Variants in KLHL1 observed in about 807,000 individuals in gnomAD.
KLHL1 encodes kelch like family member 1, also known as kelch-like protein 1.
Under a neutral mutation model 77.7 loss-of-function variants are expected in KLHL1, and 47 were observed. The ratio of observed to expected loss-of-function variants is 0.60; its 90% CI spans 0.48 to 0.77. KLHL1 has a LOEUF of 0.77. KLHL1 is among the 30% of genes least tolerant of loss of function. The pLI, the probability that KLHL1 is intolerant of heterozygous loss-of-function variation, is 0.00. For synonymous variants in KLHL1, 360 were observed against 325.2 expected, an observed-to-expected ratio of 1.11 and a Z score of -1.15; for missense variants, 925 against 910.8, an observed-to-expected ratio of 1.02 and a Z score of -0.20.
chr13:70,043,778 C>G (rs575921459), intron 1 of KLHL1, among the ~76,000 whole-genome samples: 2 of 152,142 alleles, frequency 1.3e-5, no homozygotes, highest in African/African-American at 4.8e-5. Context: ...TAATTATACT[C>G]TCTGATGTTG....
chr13:69,898,079 C>A (rs1393199437), intron 4 of KLHL1, among the ~76,000 whole-genome samples: 6 of 152,154 alleles, frequency 3.9e-5, no homozygotes, highest in African/African-American at 1.2e-4. Flanking sequence ...TCAGCCTAGG[C>A]AAGGGTCTTC....
intron 7 of KLHL1, among the ~76,000 whole-genome samples, chr13:69,751,846 G>T (rs1211921942): frequency 6.6e-6 from 1 of 152,102 alleles, no homozygotes; most frequent in East Asian, 1.9e-4. Flanking sequence ...ATAGTGTCTT[G>T]CTTGTCCTGA....
intron 4 of KLHL1, among the ~76,000 whole-genome samples, chr13:69,929,257 C>G (rs2482565): frequency 1.8e-4 from 27 of 151,938 alleles, no homozygotes; most frequent in Admixed American, 8.5e-4. Flanking sequence ...ATTGTTAAAA[C>G]GTCAAGCCTT....
intron 2 of KLHL1, among the ~76,000 whole-genome samples, chr13:69,967,223 A>G (rs1207808411): frequency 5.3e-5 from 8 of 152,200 alleles, no homozygotes; most frequent in Non-Finnish European, 7.3e-5. Context: ...GGCATCTGGC[A>G]AAGTAAATTT....
chr13:69,768,133 C>T (rs538449243), intron 7 of KLHL1, among the ~76,000 whole-genome samples: 112 of 152,220 alleles, frequency 7.4e-4, no homozygotes, highest in Admixed American at 2.6e-3. Context: ...TATTAGCCAT[C>T]ATTCAAATAC....
At chr13:69,919,553 C>T (rs200795136) in intron 4 of KLHL1, among the ~76,000 whole-genome samples, 13,277 of 152,112 alleles carry the variant, frequency 0.087, 650 homozygotes, top group African/African-American at 0.12. Flanking sequence ...ACATTAATGA[C>T]ACCAATTTTC....
intron 3 of KLHL1, among the ~76,000 whole-genome samples, chr13:69,958,158 T>C (rs572214938): frequency 6.6e-6 from 1 of 151,862 alleles, no homozygotes; most frequent in South Asian, 2.1e-4. Flanking sequence ...TACATATTTT[T>C]TTCTTTTAAG....
intron 1 of KLHL1, among the ~76,000 whole-genome samples, chr13:70,078,300 T>TA (rs549414640): frequency 6.6e-5 from 10 of 152,156 alleles, no homozygotes; most frequent in African/African-American, 2.2e-4. Flanking sequence ...ATGCTTATAT[T>TA]AAAAAGGTCA....
chr13:70,003,010 A>G (rs933545497), intron 1 of KLHL1, among the ~76,000 whole-genome samples: 2 of 151,714 alleles, frequency 1.3e-5, no homozygotes, highest in Non-Finnish European at 3.0e-5. Flanking sequence ...ATGCAAATAA[A>G]TAATACCTAG....
intron 1 of KLHL1, among the ~76,000 whole-genome samples, chr13:69,988,585 G>C (rs1314320339): frequency 6.6e-6 from 1 of 152,038 alleles, no homozygotes; most frequent in African/African-American, 2.4e-5. Context: ...CCAGTAGAGT[G>C]TAAGCATTCC....
At chr13:69,880,750 A>T (rs1880957527) in intron 5 of KLHL1, among the ~76,000 whole-genome samples, 1 of 152,126 alleles carries the variant, frequency 6.6e-6, no homozygotes, top group East Asian at 1.9e-4. Flanking sequence ...GAGAAGAGGA[A>T]TCTGGTCACA....
chr13:69,987,637 A>C (rs534964911), intron 1 of KLHL1, among the ~76,000 whole-genome samples: 2 of 151,388 alleles, frequency 1.3e-5, no homozygotes, highest in African/African-American at 2.4e-5. Context: ...CTACTAAAGA[A>C]CTCTTTTCCA....
intron 1 of KLHL1, among the ~76,000 whole-genome samples, chr13:70,014,980 C>T (rs374039853): frequency 1.2e-3 from 161 of 135,688 alleles, no homozygotes; most frequent in African/African-American, 4.2e-3. Context: ...CAAAACAAAA[C>T]ATTAAGCAAA....
At chr13:69,804,027 C>T (rs1000476310) in intron 6 of KLHL1, among the ~76,000 whole-genome samples, 33 of 152,238 alleles carry the variant, frequency 2.2e-4, no homozygotes, top group African/African-American at 7.5e-4. Context: ...TTGTTTTAAG[C>T]CACTTTTTCT....
intron 5 of KLHL1, among the ~76,000 whole-genome samples, chr13:69,881,759 A>G (rs1880999034): frequency 6.6e-6 from 1 of 152,172 alleles, no homozygotes; most frequent in Non-Finnish European, 1.5e-5. Flanking sequence ...TACATATTCC[A>G]TAATTCTAAT....
At chr13:70,016,644 C>A (rs1054323536) in intron 1 of KLHL1, among the ~76,000 whole-genome samples, 4 of 152,160 alleles carry the variant, frequency 2.6e-5, no homozygotes, top group African/African-American at 9.6e-5. Flanking sequence ...CTGAGAGTGG[C>A]TCAGCACAGG....
At chr13:69,731,121 G>C (rs1193074673) in intron 8 of KLHL1, among the ~76,000 whole-genome samples, 1 of 151,866 alleles carries the variant, frequency 6.6e-6, no homozygotes, top group African/African-American at 2.4e-5. Flanking sequence ...ACACAAATTG[G>C]TGTTAATAAA....
chr13:69,869,961 G>C (rs1014821471), intron 5 of KLHL1, among the ~76,000 whole-genome samples: 1 of 151,978 alleles, frequency 6.6e-6, no homozygotes, highest in Non-Finnish European at 1.5e-5. Context: ...TTTATTTGTC[G>C]AGCAAAAAGA....
At chr13:70,000,460 A>G (rs1048622917) in intron 1 of KLHL1, among the ~76,000 whole-genome samples, 11 of 152,170 alleles carry the variant, frequency 7.2e-5, no homozygotes, top group African/African-American at 2.4e-4. Context: ...CATTAGTTAT[A>G]TAATACCGTT....
Sources: gnomAD v4.1 joint callset for allele counts (sites outside exome capture counted in the v4.1 genomes callset) on GRCh38, gnomAD v4.1.1 for gene constraint, MANE v1.5 for transcripts, NCBI Gene and HGNC (gene_info 2026-07-23, HGNC 2026-07-21) for gene names.